SLC38A6: variants seen among roughly 807,000 people sequenced by gnomAD.
SLC38A6 encodes N system amino acid transporter NAT-1.
Under a neutral mutation model 65.0 loss-of-function variants are expected in SLC38A6, and 73 were observed. The observed-to-expected ratio is 1.12, with a 90% CI of 0.93 to 1.37. The LOEUF is 1.37. SLC38A6 is among the 40% of genes most tolerant of loss of function. SLC38A6 has a pLI of 0.00. For synonymous variants in SLC38A6, 183 were observed against 178.8 expected, an observed-to-expected ratio of 1.02 and a Z score of -0.19; for missense variants, 561 against 531.1, an observed-to-expected ratio of 1.06 and a Z score of -0.55.
chr14:61,007,793 T>C (rs922475125), intron 3 of SLC38A6, among the ~76,000 whole-genome samples: 1 of 152,168 alleles, frequency 6.6e-6, no homozygotes, highest in African/African-American at 2.4e-5. Flanking sequence ...GAAAATGATA[T>C]GTACATAATT....
intron 15 of SLC38A6, among the ~76,000 whole-genome samples, chr14:61,061,645 A>G (rs1034116748): frequency 1.3e-5 from 2 of 152,176 alleles, no homozygotes; most frequent in Non-Finnish European, 2.9e-5. Context: ...GAAATATGCA[A>G]TTAAGTTTCT....
chr14:60,999,880 A>C (rs1422950825), intron 3 of SLC38A6, among the ~76,000 whole-genome samples: 1 of 152,234 alleles, frequency 6.6e-6, no homozygotes, highest in African/African-American at 2.4e-5. Flanking sequence ...GACATCGTGA[A>C]ACTGGTTTTG....
downstream of SLC38A6, chr14:61,052,982 C>T (rs1398456078): frequency 6.6e-6 from 1 of 152,314 alleles, no homozygotes; most frequent in African/African-American, 2.4e-5. Context: ...ATTTCATCTC[C>T]CAGGTATTAA....
intron 15 of SLC38A6, among the ~76,000 whole-genome samples, chr14:61,067,237 TG>T (rs1295201412): frequency 1.3e-5 from 2 of 152,208 alleles, no homozygotes; most frequent in African/African-American, 4.8e-5. Context: ...AATATTTGAC[TG>T]GGTTTTCTCT....
chr14:61,021,188 G>A (rs1035601924), intron 5 of SLC38A6, among the ~76,000 whole-genome samples: 4 of 152,072 alleles, frequency 2.6e-5, no homozygotes, highest in Non-Finnish European at 4.4e-5. Context: ...TTACACCTGG[G>A]AATTGATAAA....
chr14:61,007,013 G>A (rs1223972612), intron 3 of SLC38A6, among the ~76,000 whole-genome samples: 1 of 152,146 alleles, frequency 6.6e-6, no homozygotes, highest in Non-Finnish European at 1.5e-5. Context: ...ATGAGTTCAT[G>A]TCCTTTGTAG....
At chr14:61,019,264 C>T (rs1290856300) in intron 4 of SLC38A6, among the ~76,000 whole-genome samples, 2 of 152,218 alleles carry the variant, frequency 1.3e-5, no homozygotes, top group Admixed American at 6.5e-5. Context: ...TGATAATCAT[C>T]GATTACTAGC....
intron 3 of SLC38A6, among the ~76,000 whole-genome samples, chr14:61,007,704 T>TTTTTCTTTA (rs1351487206): frequency 3.3e-5 from 4 of 119,472 alleles, no homozygotes; most frequent in Non-Finnish European, 7.1e-5. Flanking sequence ...TGAACACCGA[T>TTTTTCTTTA]ATAAGTGACA....
chr14:61,050,993 A>G (rs1304547148), intron 13 of SLC38A6, among the ~76,000 whole-genome samples: 2 of 152,214 alleles, frequency 1.3e-5, no homozygotes, highest in Non-Finnish European at 2.9e-5. Flanking sequence ...AAGTCAGGAA[A>G]AATAAGCTCC....
rs1051149185 is a variant in SLC38A6, at chr14:61,008,607, T to A, written c.311-7297T>A. Among the ~76,000 whole-genome samples, 3 of 152,172 alleles carry A rather than the reference T, an allele frequency of 2.0e-5. No individual in the cohort carries two copies. The South Asian group carries it at 6.2e-4, about 31-fold the overall frequency. ...ATTATACAAATAGTAGCATCACTAG[T>A]TAAAACATAAAGCTATATGATCTAA... On this transcript the variant is annotated intron_variant, in intron 3 of 15. Transcript: ENST00000267488.
intron 3 of SLC38A6, among the ~76,000 whole-genome samples, chr14:61,011,758 TTGA>T (rs1195084887): frequency 1.3e-5 from 2 of 152,232 alleles, no homozygotes; most frequent in Non-Finnish European, 2.9e-5. Flanking sequence ...GATAAGCTTT[TTGA>T]TGTGCTGCTG....
At chr14:60,994,478 G>A (rs2038129537) in intron 3 of SLC38A6, among the ~76,000 whole-genome samples, 1 of 152,136 alleles carries the variant, frequency 6.6e-6, no homozygotes, top group African/African-American at 2.4e-5. Flanking sequence ...CCGGGAGTTG[G>A]AGGTTGCGGT....
chr14:60,989,414 G>A (rs1353651588), intron 3 of SLC38A6, among the ~76,000 whole-genome samples: 1 of 152,048 alleles, frequency 6.6e-6, no homozygotes, highest in African/African-American at 2.4e-5. Flanking sequence ...CTTCATGACA[G>A]CACTCCTTAA....
chr14:61,012,422 G>A (rs781001209), intron 3 of SLC38A6, among the ~76,000 whole-genome samples: 5 of 151,968 alleles, frequency 3.3e-5, no homozygotes, highest in Admixed American at 2.6e-4. Context: ...CTTGCCTTCT[G>A]CTAGCTTTTG....
chr14:61,039,636 G>T (rs1178616012), intron 8 of SLC38A6, among the ~76,000 whole-genome samples: 1 of 150,624 alleles, frequency 6.6e-6, no homozygotes, highest in Non-Finnish European at 1.5e-5. Context: ...CTCCCAAAGT[G>T]CTGGGATTAC....
intron 15 of SLC38A6, among the ~76,000 whole-genome samples, chr14:61,078,472 T>C (rs1318990738): frequency 1.3e-5 from 2 of 152,136 alleles, no homozygotes; most frequent in Non-Finnish European, 2.9e-5. Flanking sequence ...GATCCTGATG[T>C]AGAGAATGCT....
intron 15 of SLC38A6, among the ~76,000 whole-genome samples, chr14:61,060,961 TGCCTCGACCTGCTTCGGCTCGC>T: frequency 6.6e-6 from 1 of 150,772 alleles, no homozygotes; most frequent in South Asian, 2.1e-4. Flanking sequence ...GGTGAGGCAA[TGCCTCGACCTGCTTCGGCTCGC>T]GCACGGTGCG....
chr14:61,015,774 T>G, intron 3 of SLC38A6, 130 bp from the exon 4 acceptor site: 1 of 538,536 alleles, frequency 1.9e-6, no homozygotes, highest in Admixed American at 3.7e-5. Context: ...TCATTTTGTG[T>G]TTAGTCCTGA....
chr14:60,987,005 G>A (rs2037497309), intron 3 of SLC38A6: 2 of 387,178 alleles, frequency 5.2e-6, no homozygotes, highest in Admixed American at 3.4e-5. Flanking sequence ...CGTATGAAGT[G>A]AATATATCTG....
Sources: allele counts gnomAD v4.1 joint callset (sites outside exome capture counted in the v4.1 genomes callset), GRCh38; gene constraint gnomAD v4.1.1; transcripts MANE v1.5; gene names NCBI Gene and HGNC (gene_info 2026-07-23, HGNC 2026-07-21).